SCAPER: variants seen among roughly 807,000 people sequenced by gnomAD.
SCAPER encodes the protein S phase cyclin A-associated protein in the endoplasmic reticulum.
In SCAPER, 98 loss-of-function variants were observed where a neutral mutation model predicts 182.2. The ratio of observed to expected loss-of-function variants is 0.54; its 90% CI spans 0.46 to 0.64. SCAPER has a LOEUF of 0.64. SCAPER is among the 30% of genes least tolerant of loss of function. The probability of loss-of-function intolerance (pLI) is 0.00; values close to 1 mark genes in which losing one functional copy is unlikely to be tolerated. For synonymous variants in SCAPER, 605 were observed against 564.6 expected (o/e 1.07, Z -1.01); for missense variants, 1,432 against 1,690.0 (o/e 0.85, Z 2.68).
intron 17 of SCAPER, among the ~76,000 whole-genome samples, chr15:76,718,463 C>A (rs768550733): frequency 1.3e-5 from 2 of 151,782 alleles, no homozygotes; most frequent in Non-Finnish European, 1.5e-5. Flanking sequence ...CAAAAGCGGG[C>A]GGATCACTTG....
At chr15:76,484,386 T>C (rs2051411391) in intron 24 of SCAPER, among the ~76,000 whole-genome samples, 1 of 151,380 alleles carries the variant, frequency 6.6e-6, no homozygotes, top group South Asian at 2.1e-4. Flanking sequence ...AACTAGAAAA[T>C]CTAGAAGAAA....
chr15:76,538,758 C>T (rs937447305), intron 23 of SCAPER, among the ~76,000 whole-genome samples: 5 of 151,872 alleles, frequency 3.3e-5, no homozygotes, highest in East Asian at 1.9e-4. Flanking sequence ...AATGCTTTAT[C>T]GATCATGCCT....
chr15:76,620,391 G>C (rs1215403443), intron 22 of SCAPER, among the ~76,000 whole-genome samples: 1 of 152,050 alleles, frequency 6.6e-6, no homozygotes, highest in African/African-American at 2.4e-5. Flanking sequence ...GATTTCTCTT[G>C]TTGCTTCTAC....
In SCAPER at chr15:76,713,685, C is replaced by T. The variant is rs920278115; in HGVS notation, c.2166-7701G>A. Among the ~76,000 whole-genome samples, 49 of 151,824 alleles carry T rather than the reference C, an allele frequency of 3.2e-4. No individual in the cohort carries two copies. In the South Asian group the frequency reaches 7.9e-3, roughly 25 times the overall value. ...AGGAGATATACCTAATGCTAAATGA[C>T]GAGTTAGTGGGTGCAGCACACCAGC... is the stretch of plus-strand genomic sequence containing the variant. On this transcript the variant is annotated intron_variant, in intron 17 of 31. Transcript: ENST00000563290.
intron 8 of SCAPER, among the ~76,000 whole-genome samples, chr15:76,785,677 C>T (rs1249573789): frequency 6.6e-6 from 1 of 152,128 alleles, no homozygotes; most frequent in Non-Finnish European, 1.5e-5. Context: ...CACATACACA[C>T]CACGGAATAC....
intron 9 of SCAPER, among the ~76,000 whole-genome samples, chr15:76,773,796 A>G (rs1006408060): frequency 3.9e-5 from 6 of 151,922 alleles, no homozygotes; most frequent in African/African-American, 7.2e-5. Context: ...TAAAAAGCAG[A>G]TATTATTCTG....
chr15:76,392,378 T>TA (rs992912029), intron 27 of SCAPER, among the ~76,000 whole-genome samples: 1 of 152,196 alleles, frequency 6.6e-6, no homozygotes, highest in African/African-American at 2.4e-5. Flanking sequence ...TCCTGTCATG[T>TA]CCAACCCTGT....
intron 23 of SCAPER, among the ~76,000 whole-genome samples, chr15:76,539,226 T>C (rs1344272035): frequency 6.6e-6 from 1 of 152,200 alleles, no homozygotes; most frequent in Non-Finnish European, 1.5e-5. Context: ...GATAACTAGA[T>C]TATTTTATGT....
At chr15:76,765,844 A>C (rs903231507) in intron 11 of SCAPER, among the ~76,000 whole-genome samples, 1 of 152,264 alleles carries the variant, frequency 6.6e-6, no homozygotes, top group African/African-American at 2.4e-5. Flanking sequence ...AGAGCCTAGC[A>C]GCCATTAACA....
intron 15 of SCAPER, among the ~76,000 whole-genome samples, chr15:76,736,194 T>A (rs2061253640): frequency 1.3e-5 from 2 of 152,222 alleles, no homozygotes; most frequent in South Asian, 4.1e-4. Flanking sequence ...AAATAAACAA[T>A]GTACGCACCT....
chr15:76,396,389 A>C (rs1191130994), intron 27 of SCAPER, among the ~76,000 whole-genome samples: 1 of 152,150 alleles, frequency 6.6e-6, no homozygotes, highest in Non-Finnish European at 1.5e-5. Context: ...TAAGGATTGC[A>C]TGGACTCTGA....
intron 9 of SCAPER, among the ~76,000 whole-genome samples, chr15:76,773,014 G>A (rs1393558626): frequency 6.6e-6 from 1 of 151,712 alleles, no homozygotes; most frequent in Admixed American, 6.6e-5. Flanking sequence ...CCAAAGTGTT[G>A]ATTTTAGCAT....
At position 76,590,230 on chromosome 15, in the gene SCAPER, T is replaced by C. The variant is rs202048752; in HGVS notation, c.2712-15946A>G. ...TCTGCCATTTTCGAGTGTGACTAGA[T>C]AGAATGTTATAAGTTGGAAATGGAG... On this transcript the variant is annotated intron_variant, in intron 22 of 31. Transcript: ENST00000563290. Among the ~76,000 whole-genome samples, 6 of 152,324 alleles carry C rather than the reference T, an allele frequency of 3.9e-5. No individual in the cohort carries two copies. In the East Asian group the frequency reaches 5.8e-4, roughly 15 times the overall value.
intron 1 of SCAPER, among the ~76,000 whole-genome samples, chr15:76,885,021 G>C (rs1271193729): frequency 6.6e-5 from 10 of 152,184 alleles, no homozygotes; most frequent in Admixed American, 6.5e-4. Flanking sequence ...GCGGGGTTAG[G>C]AGAAAATGAG....
intron 23 of SCAPER, among the ~76,000 whole-genome samples, chr15:76,522,823 TATAA>T (rs1434586154): frequency 6.6e-6 from 1 of 152,012 alleles, no homozygotes; most frequent in Non-Finnish European, 1.5e-5. Context: ...TAAAATTATG[TATAA>T]ATAGAGCTGT....
chr15:76,381,501 G>T lies in SCAPER; in HGVS notation c.3582C>A (p.Gly1194=). Residue 1194 remains glycine (G), a synonymous_variant, in exon 28 of 32, where the codon GGC becomes GGA. Transcript: ENST00000563290. The part of the protein sequence containing the change: ...LHMLYCVLFH[G]TILDPSTASP... ...TGGCAGTGCTGGGGTCCAAGATGGT[G>T]CCATGGAAGAGGACACAGTAGAGCA... 6.2e-7 allele frequency: 1 copy of T among 1,613,620 alleles called. No homozygotes were observed. The highest frequency in any genetic ancestry group is 8.5e-7 in the Non-Finnish European group (1 of 1,179,772).
chr15:76,355,602 T>C (rs1395411277), intron 29 of SCAPER, among the ~76,000 whole-genome samples: 2 of 152,248 alleles, frequency 1.3e-5, no homozygotes, highest in Non-Finnish European at 2.9e-5. Context: ...TCTTTAGATC[T>C]TCATTGTTAA....
chr15:76,685,278 TAC>T (rs2057969185), intron 20 of SCAPER, among the ~76,000 whole-genome samples: 1 of 151,914 alleles, frequency 6.6e-6, no homozygotes, highest in African/African-American at 2.4e-5. Flanking sequence ...ATGCCACCGC[TAC>T]ATGTGTTCAC....
intron 24 of SCAPER, among the ~76,000 whole-genome samples, chr15:76,489,397 T>C (rs931163722): frequency 1.7e-4 from 26 of 151,642 alleles, no homozygotes; most frequent in South Asian, 6.3e-4. Flanking sequence ...ACAATAAAGA[T>C]ACAGTAGATC....
Sources: gnomAD v4.1 joint callset for allele counts (sites outside exome capture counted in the v4.1 genomes callset) on GRCh38, gnomAD v4.1.1 for gene constraint, MANE v1.5 for transcripts, NCBI Gene and HGNC (gene_info 2026-07-23, HGNC 2026-07-21) for gene names.